Variants in PDE4D observed in about 807,000 individuals in gnomAD.
PDE4D encodes the protein phosphodiesterase 4D.
A neutral mutation model predicts 87.4 loss-of-function variants in PDE4D; 24 were observed. That is an observed-to-expected ratio of 0.27 (90% CI 0.20 to 0.39). The LOEUF (loss-of-function observed/expected upper bound fraction) is 0.39, where lower values mean the gene tolerates loss of function less well. Ranked by LOEUF, PDE4D falls within the 10% of genes least tolerant of loss-of-function variation. The pLI is 1.00. For synonymous variants in PDE4D, 384 were observed against 383.2 expected (o/e 1.00, Z -0.02); for missense variants, 714 against 1,041.0 (o/e 0.69, Z 4.32).
chr5:59,137,360 G>C lies in PDE4D; in HGVS notation c.808+43235C>G, dbSNP rs184556437. Reference sequence around the variant, plus strand: ...GAAGGAATTGGATATAGGAACAAAAGTTATTTTGGGGGCTAGAAATCATAA... The same window carrying C: ...GAAGGAATTGGATATAGGAACAAAACTTATTTTGGGGGCTAGAAATCATAA... On this transcript the variant is annotated intron_variant, in intron 5 of 14. Transcript: ENST00000340635. 3.9e-5 allele frequency among the ~76,000 whole-genome samples: 6 copies of C among 152,198 alleles called. No homozygotes were observed. In the East Asian group the frequency reaches 1.2e-3, roughly 29 times the overall value.
chr5:60,104,048 AG>A (rs371966931), intron 2 of PDE4D, among the ~76,000 whole-genome samples: 4,301 of 152,286 alleles, frequency 0.028, 191 homozygotes, highest in African/African-American at 0.099. Context: ...GAGCCGAAGC[AG>A]GGCGAGGCAT....
intron 1 of PDE4D, among the ~76,000 whole-genome samples, chr5:59,574,138 AT>A (rs1561242186): frequency 2.1e-4 from 1 of 4,782 alleles, no homozygotes; most frequent in African/African-American, 3.2e-4. Flanking sequence ...TTATATATAT[AT>A]ATATAAATAT....
intron 1 of PDE4D, among the ~76,000 whole-genome samples, chr5:59,311,104 G>C (rs889051794): frequency 2.0e-5 from 3 of 152,162 alleles, no homozygotes; most frequent in African/African-American, 7.2e-5. Flanking sequence ...AGAGATGAAG[G>C]CTGGTCCTGG....
At chr5:59,039,384 T>G in intron 5 of PDE4D, 7 of 1,019,276 alleles carry the variant, frequency 6.9e-6, no homozygotes, top group Non-Finnish European at 8.2e-6. Context: ...CAGAGGAGCG[T>G]CTGGTCCACA....
chr5:59,706,518 T>C (rs1261715721), intron 1 of PDE4D, among the ~76,000 whole-genome samples: 3 of 152,154 alleles, frequency 2.0e-5, no homozygotes, highest in Non-Finnish European at 2.9e-5. Flanking sequence ...GCTCAAATTA[T>C]AAGGTTAGCA....
chr5:60,052,275 T>C (rs185251446), intron 2 of PDE4D, among the ~76,000 whole-genome samples: 58 of 152,276 alleles, frequency 3.8e-4, no homozygotes, highest in African/African-American at 1.3e-3. Flanking sequence ...TGAATATCTA[T>C]GCAAAAATCT....
intron 1 of PDE4D, among the ~76,000 whole-genome samples, chr5:59,640,963 T>A (rs1741482041): frequency 6.6e-6 from 1 of 151,916 alleles, no homozygotes; most frequent in Non-Finnish European, 1.5e-5. Context: ...AACTTCATTC[T>A]CAGAGATTTA....
At chr5:60,238,832 T>C (rs1746738688) in intron 1 of PDE4D, among the ~76,000 whole-genome samples, 1 of 152,080 alleles carries the variant, frequency 6.6e-6, no homozygotes, top group Admixed American at 6.6e-5. Flanking sequence ...TATTCAAAAA[T>C]GTTTGTTTTA....
chr5:60,489,899 A>G (rs1490831528), upstream of PDE4D: 1 of 152,128 alleles, frequency 6.6e-6, no homozygotes, highest in Non-Finnish European at 1.5e-5. Flanking sequence ...AGCCAACAAT[A>G]CTCTAAACTG....
chr5:59,972,770 T>A (rs1760922416), intron 3 of PDE4D, among the ~76,000 whole-genome samples: 1 of 152,212 alleles, frequency 6.6e-6, no homozygotes, highest in Non-Finnish European at 1.5e-5. Flanking sequence ...TGCTAGGCTC[T>A]AAATTCTGCC....
In PDE4D at chr5:60,470,276, T is replaced by G. The variant is rs116788346; in HGVS notation, c.-90+17666A>C. ...GTAAGGAAGATGTAGAAGAAAAGTTTGAAGCTAACAGAGATTGATTCATGA... is the reference window on the plus strand; with the variant it reads ...GTAAGGAAGATGTAGAAGAAAAGTTGGAAGCTAACAGAGATTGATTCATGA... On this transcript the variant is annotated intron_variant, in intron 1 of 16. Coordinates refer to the PDE4D transcript ENST00000502484. 2.5e-3 allele frequency among the ~76,000 whole-genome samples: 377 copies of G among 152,316 alleles called. 2 individuals are homozygous for G. The highest frequency in any genetic ancestry group is 8.8e-3 in the African/African-American group (366 of 41,588).
intron 5 of PDE4D, among the ~76,000 whole-genome samples, chr5:59,094,659 A>G (rs866013390): frequency 1.1e-4 from 16 of 152,332 alleles, no homozygotes; most frequent in African/African-American, 3.8e-4. Flanking sequence ...TCAGGATTTC[A>G]CCAATAGAAA....
Position 59,595,177 on chromosome 5 carries a change from T to C in PDE4D, c.455+297991A>G, listed in dbSNP as rs74814366. ...TAATGTCAATAGATTCCATTTTCTTTACAATTGCTTGAAGCAAAGATGTAA... is the reference window on the plus strand; with the variant it reads ...TAATGTCAATAGATTCCATTTTCTTCACAATTGCTTGAAGCAAAGATGTAA... On this transcript the variant is annotated intron_variant, in intron 1 of 14. Coordinates refer to ENST00000340635, the MANE Select transcript of PDE4D (RefSeq NM_001104631.2). 4.6e-5 allele frequency among the ~76,000 whole-genome samples: 7 copies of C among 152,358 alleles called. No individual in the cohort carries two copies. In the East Asian group the frequency reaches 1.2e-3, roughly 25 times the overall value.
chr5:59,372,863 C>T (rs1445146607), intron 1 of PDE4D, among the ~76,000 whole-genome samples: 14 of 152,152 alleles, frequency 9.2e-5, no homozygotes, highest in African/African-American at 3.1e-4. Flanking sequence ...AAAGTTTGGG[C>T]CTCATACAAG....
intron 5 of PDE4D, among the ~76,000 whole-genome samples, chr5:59,106,926 G>A (rs917588562): frequency 2.3e-4 from 35 of 152,162 alleles, no homozygotes; most frequent in Non-Finnish European, 7.4e-5. Flanking sequence ...GCATACATCA[G>A]CTTTTTTTCT....
intron 1 of PDE4D, among the ~76,000 whole-genome samples, chr5:59,425,503 CTGCA>C (rs755759503): frequency 1.1e-4 from 17 of 152,222 alleles, no homozygotes; most frequent in Non-Finnish European, 2.4e-4. Context: ...CAAATGTCCC[CTGCA>C]TGAGAGGTGG....
chr5:60,145,092 T>C (rs1780878230), intron 2 of PDE4D, among the ~76,000 whole-genome samples: 1 of 152,210 alleles, frequency 6.6e-6, no homozygotes, highest in South Asian at 2.1e-4. Flanking sequence ...GGGATTGCAG[T>C]TGTTTTTTTC....
chr5:59,647,459 G>T (rs1742657904), intron 1 of PDE4D, among the ~76,000 whole-genome samples: 1 of 67,186 alleles, frequency 1.5e-5, no homozygotes, highest in African/African-American at 4.0e-5. Context: ...ATTTTTCAAA[G>T]TTTTTTTTTT....
chr5:60,520,464 T>C (rs1750987133), intron 1 of PDE4D, among the ~76,000 whole-genome samples: 1 of 152,240 alleles, frequency 6.6e-6, no homozygotes, highest in Non-Finnish European at 1.5e-5. Context: ...GGGAGACTTC[T>C]GTTGGCCATG....
Sources: gnomAD v4.1 joint callset for allele counts (sites outside exome capture counted in the v4.1 genomes callset) on GRCh38, gnomAD v4.1.1 for gene constraint, MANE v1.5 for transcripts, NCBI Gene and HGNC (gene_info 2026-07-23, HGNC 2026-07-21) for gene names.